EFR3A: variants seen among roughly 807,000 people sequenced by gnomAD.
The protein encoded by EFR3A is protein EFR3 homolog A.
Under a neutral mutation model 104.4 loss-of-function variants are expected in EFR3A, and 76 were observed. That is an observed-to-expected ratio of 0.73 (90% CI 0.60 to 0.88). The LOEUF (loss-of-function observed/expected upper bound fraction) is 0.88, where lower values mean the gene tolerates loss of function less well. Among genes scored for constraint, EFR3A ranks in the 40% least tolerant of loss-of-function variants. The probability of loss-of-function intolerance (pLI) is 0.00; values close to 1 mark genes in which losing one functional copy is unlikely to be tolerated. For missense variants in EFR3A, 985 were observed against 1,012.5 expected, an observed-to-expected ratio of 0.97 and a Z score of 0.37; for synonymous variants, 330 against 330.0, an observed-to-expected ratio of 1.00 and a Z score of 0.00.
intron 6 of EFR3A, among the ~76,000 whole-genome samples, chr8:131,954,730 T>C (rs1171010627): frequency 6.6e-6 from 1 of 151,422 alleles, no homozygotes; most frequent in African/African-American, 2.4e-5. Context: ...ATCCTGACTT[T>C]CCTGATTCTT....
chr8:131,924,980 A>G (rs569539940), intron 1 of EFR3A, among the ~76,000 whole-genome samples: 13 of 152,220 alleles, frequency 8.5e-5, no homozygotes, highest in African/African-American at 2.2e-4. Flanking sequence ...CTTATATACT[A>G]CTTTCAACAA....
chr8:131,985,283 A>T (rs991704508), intron 16 of EFR3A, among the ~76,000 whole-genome samples: 1 of 152,168 alleles, frequency 6.6e-6, no homozygotes, highest in African/African-American at 2.4e-5. Context: ...TAGTGGTTGA[A>T]TGGAATATGT....
Position 131,976,073 on chromosome 8 carries a change from G to A in EFR3A, c.1206G>A (p.Met402Ile). Residue 402 changes from methionine (M) to isoleucine (I), a missense_variant, in exon 11 of 23, where the codon ATG (methionine) becomes ATA (isoleucine). Coordinates refer to ENST00000254624, the MANE Select transcript of EFR3A (RefSeq NM_015137.6). ...NLPDYQRSEIMMFIMGKVPVF... is the reference protein window; with the variant it reads ...NLPDYQRSEIIMFIMGKVPVF... ...CAGATTATCAGAGGTCAGAAATCAT[G>A]ATGTTCATTATGGGGAAAGTACCTG... 6.2e-7 allele frequency: 1 copy of A among 1,607,662 alleles called. No individual in the cohort carries two copies.
At chr8:131,940,987 G>T (rs1251484884) in intron 2 of EFR3A, among the ~76,000 whole-genome samples, 1 of 151,692 alleles carries the variant, frequency 6.6e-6, no homozygotes. Context: ...ACAGTTTCTT[G>T]TAAAAAAAAA....
In EFR3A at chr8:131,996,967, G is replaced by T. The variant is rs1821527158; in HGVS notation, c.2157+470G>T. On this transcript the variant is annotated intron_variant, in intron 19 of 22. Transcript: ENST00000254624. ...TAAAACTGCATCTATAAGGGAAAAT[G>T]TTTTAATTATTTTGGATAGTAAGGA... Among the ~76,000 whole-genome samples the T allele has an allele frequency of 3.9e-5, 6 of 152,144 alleles. No homozygotes were observed. The South Asian group carries it at 1.2e-3, about 32-fold the overall frequency.
chr8:131,919,705 A>G (rs1484149611), intron 1 of EFR3A, among the ~76,000 whole-genome samples: 4 of 151,858 alleles, frequency 2.6e-5, no homozygotes, highest in African/African-American at 9.7e-5. Flanking sequence ...CTTTTAACAA[A>G]TGTGAATTTT....
At chr8:132,000,227 C>T (rs1821719896) in intron 19 of EFR3A, among the ~76,000 whole-genome samples, 2 of 152,136 alleles carry the variant, frequency 1.3e-5, no homozygotes, top group Non-Finnish European at 2.9e-5. Context: ...CTCCCGGGTT[C>T]ACGCCATTCT....
chr8:131,944,918 T>G (rs943809822), intron 3 of EFR3A, 46 bp downstream of exon 3: 2 of 1,583,302 alleles, frequency 1.3e-6, no homozygotes, highest in Admixed American at 1.8e-5. Context: ...GGAAAATTCT[T>G]TCTAGACTTT....
intron 14 of EFR3A, among the ~76,000 whole-genome samples, chr8:131,982,773 T>G (rs1304380363): frequency 6.6e-6 from 1 of 152,126 alleles, no homozygotes; most frequent in African/African-American, 2.4e-5. Flanking sequence ...TTCTGAGGTT[T>G]TGAGAGGACC....
At chr8:131,909,937 C>T (rs1227195172) in intron 1 of EFR3A, among the ~76,000 whole-genome samples, 3 of 152,212 alleles carry the variant, frequency 2.0e-5, no homozygotes, top group Non-Finnish European at 4.4e-5. Context: ...CCTGCTTTCC[C>T]ATGCAGGGTC....
chr8:131,937,923 G>C (rs1469145593), intron 1 of EFR3A, among the ~76,000 whole-genome samples: 3 of 151,854 alleles, frequency 2.0e-5, no homozygotes, highest in Admixed American at 1.3e-4. Context: ...TAAGGAAAGG[G>C]GGTGTAAGTA....
At chr8:132,001,722 T>C (rs767760244) in intron 19 of EFR3A, 37 bp from the exon 20 acceptor site, 106 of 1,586,984 alleles carry the variant, frequency 6.7e-5, no homozygotes, top group Non-Finnish European at 8.8e-5. Context: ...ATATTGACCC[T>C]TTTTAACTCT....
intron 5 of EFR3A, 69 bp downstream of exon 5, chr8:131,950,159 A>G (rs1586588592): frequency 1.4e-6 from 2 of 1,435,522 alleles, no homozygotes; most frequent in Non-Finnish European, 9.4e-7. Flanking sequence ...CATATGTTAC[A>G]TAATGATTAC....
chr8:131,910,039 G>C (rs1440022729), intron 1 of EFR3A, among the ~76,000 whole-genome samples: 1 of 152,194 alleles, frequency 6.6e-6, no homozygotes, highest in Non-Finnish European at 1.5e-5. Context: ...GCCTGGGATT[G>C]ACTGTCAGTT....
rs1409794856 is a variant in EFR3A, at chr8:131,978,919, C to T, written c.1399C>T (p.Pro467Ser). The stretch of plus-strand genomic sequence containing the variant: ...GTCTTTCCTGGATCCTTTGTTATCA[C>T]CATCTCTCATGGAGGACTACGAACT... ...PGSFLDPLLS[P>S]SLMEDYELRQ... The change falls in exon 13 of 23, where the codon CCA (proline) becomes TCA (serine). Residue 467 changes from proline to serine, a missense_variant. Pro to Ser is a moderately conservative substitution (Grantham distance 74). Transcript: ENST00000254624. The T allele has an allele frequency of 2.5e-6, 4 of 1,612,952 alleles. No homozygotes were observed. Among genetic ancestry groups the T allele is most frequent in the Middle Eastern group, 1.7e-4 (1 of 6,060 alleles).
intron 7 of EFR3A, among the ~76,000 whole-genome samples, chr8:131,957,020 A>T (rs1457220078): frequency 1.3e-5 from 2 of 152,190 alleles, no homozygotes; most frequent in African/African-American, 4.8e-5. Context: ...TTACCAAATA[A>T]GTTGTACTTG....
chr8:131,965,450 A>T (rs539569706), intron 8 of EFR3A, among the ~76,000 whole-genome samples: 26 of 152,364 alleles, frequency 1.7e-4, no homozygotes, highest in African/African-American at 5.8e-4. Flanking sequence ...GCCAAAAGAC[A>T]CATGAGATAA....
At chr8:131,944,955 A>G in intron 3 of EFR3A, 83 bp downstream of exon 3, 4 of 1,444,242 alleles carry the variant, frequency 2.8e-6, no homozygotes, top group Non-Finnish European at 3.8e-6. Flanking sequence ...TTATTTTGCC[A>G]TTTAGTGAGA....
chr8:131,967,100 C>G (rs1026375549), intron 8 of EFR3A, among the ~76,000 whole-genome samples: 1 of 152,184 alleles, frequency 6.6e-6, no homozygotes, highest in East Asian at 1.9e-4. Context: ...GTTCACACAT[C>G]AGAAGCATGC....
Sources: gnomAD v4.1 joint callset for allele counts (sites outside exome capture counted in the v4.1 genomes callset) on GRCh38, gnomAD v4.1.1 for gene constraint, MANE v1.5 for transcripts, NCBI Gene and HGNC (gene_info 2026-07-23, HGNC 2026-07-21) for gene names.